SPMAP1: variants seen among roughly 807,000 people sequenced by gnomAD.
SPMAP1 encodes sperm microtubule associated protein 1, also known as uncharacterized protein C17orf98.
At chr17:38,840,054 C>G in the SPMAP1 span, among the ~76,000 whole-genome samples, 1 of 152,122 alleles carries the variant, frequency 6.6e-6, no homozygotes, top group African/African-American at 2.4e-5. Flanking sequence ...GTCTCGGAAT[C>G]TTTGATCTGG....
At chr17:38,837,268 A>AGAACACT in the SPMAP1 span, 3 of 1,490,828 alleles carry the variant, frequency 2.0e-6, no homozygotes, top group East Asian at 6.8e-5. Flanking sequence ...AAAGTGGGCA[A>AGAACACT]GAACACTGTC....
the SPMAP1 span, chr17:38,835,265 C>G: frequency 6.2e-7 from 1 of 1,614,146 alleles, no homozygotes; most frequent in African/African-American, 1.3e-5. Context: ...CCTGCGGTAG[C>G]CAAACCTTCC....
the SPMAP1 span, among the ~76,000 whole-genome samples, chr17:38,840,232 G>T: frequency 6.6e-6 from 1 of 152,154 alleles, no homozygotes; most frequent in Non-Finnish European, 1.5e-5. Context: ...CAGGAGGAAG[G>T]CGTCTCGCCC....
chr17:38,835,340 G>C, the SPMAP1 span: 1 of 1,614,168 alleles, frequency 6.2e-7, no homozygotes, highest in Non-Finnish European at 8.5e-7. Context: ...CTGCTGGAGA[G>C]AATGCCCTTG....
chr17:38,835,248 G>C, the SPMAP1 span: 2 of 1,614,130 alleles, frequency 1.2e-6, no homozygotes, highest in Admixed American at 1.7e-5. Context: ...CGGAGGGCTG[G>C]AGTGTTCCTG....
At chr17:38,837,879 AG>A in the SPMAP1 span, among the ~76,000 whole-genome samples, 1 of 151,954 alleles carries the variant, frequency 6.6e-6, no homozygotes, top group Non-Finnish European at 1.5e-5. Flanking sequence ...CATCGGTAAA[AG>A]GAGTATTGCT....
chr17:38,837,060 G>A, the SPMAP1 span: 1 of 919,938 alleles, frequency 1.1e-6, no homozygotes, highest in Non-Finnish European at 1.8e-6. Context: ...GAAGGATGCA[G>A]TCCCTTTGCC....
the SPMAP1 span, among the ~76,000 whole-genome samples, chr17:38,839,701 G>A: frequency 6.6e-6 from 1 of 151,860 alleles, no homozygotes; most frequent in Admixed American, 6.6e-5. Flanking sequence ...TTGGGAGGCT[G>A]AAGCAGGAGA....
the SPMAP1 span, among the ~76,000 whole-genome samples, chr17:38,840,451 G>T: frequency 6.6e-6 from 1 of 151,856 alleles, no homozygotes; most frequent in Non-Finnish European, 1.5e-5. Flanking sequence ...CAAATTCAGG[G>T]CTGGAAGGCC....
the SPMAP1 span, chr17:38,837,005 G>T: frequency 1.4e-6 from 1 of 690,380 alleles, no homozygotes; most frequent in East Asian, 2.5e-5. Context: ...ACTAATATTA[G>T]GGGGCACTGT....
chr17:38,838,822 C>T, the SPMAP1 span, among the ~76,000 whole-genome samples: 3 of 150,430 alleles, frequency 2.0e-5, no homozygotes, highest in Non-Finnish European at 3.0e-5. Context: ...CGGTGGCCCA[C>T]GCCTGTAATC....
the SPMAP1 span, among the ~76,000 whole-genome samples, chr17:38,840,055 T>C: frequency 6.6e-6 from 1 of 152,088 alleles, no homozygotes; most frequent in South Asian, 2.1e-4. Flanking sequence ...TCTCGGAATC[T>C]TTGATCTGGG....
At chr17:38,837,295 G>C in the SPMAP1 span, 1 of 1,218,748 alleles carries the variant, frequency 8.2e-7, no homozygotes, top group Non-Finnish European at 1.2e-6. Flanking sequence ...AATGCTGAGG[G>C]GGACACAGTG....
the SPMAP1 span, among the ~76,000 whole-genome samples, chr17:38,840,961 C>A: frequency 6.6e-6 from 1 of 151,874 alleles, no homozygotes; most frequent in African/African-American, 2.4e-5. Context: ...TCGCTTGAAC[C>A]CGGGAGGCGG....
the SPMAP1 span, chr17:38,835,320 G>A: frequency 8.7e-6 from 14 of 1,614,062 alleles, no homozygotes; most frequent in Non-Finnish European, 1.2e-5. Context: ...TAGTGGTCAT[G>A]CCCAGTCACC....
the SPMAP1 span, among the ~76,000 whole-genome samples, chr17:38,836,292 G>A: frequency 6.6e-6 from 1 of 152,004 alleles, no homozygotes; most frequent in Non-Finnish European, 1.5e-5. Flanking sequence ...TCCTACCTGT[G>A]CCATGGGGTT....
the SPMAP1 span, chr17:38,835,303 A>C: frequency 6.2e-7 from 1 of 1,614,190 alleles, no homozygotes; most frequent in Non-Finnish European, 8.5e-7. Flanking sequence ...GTTTCAGATC[A>C]GCATTGTAGT....
At chr17:38,838,651 C>T in the SPMAP1 span, among the ~76,000 whole-genome samples, 5 of 151,694 alleles carry the variant, frequency 3.3e-5, no homozygotes, top group South Asian at 2.1e-4. Flanking sequence ...TGGTGGCACA[C>T]GCCTATAGTC....
At chr17:38,835,391 C>A in the SPMAP1 span, 1 of 1,604,392 alleles carries the variant, frequency 6.2e-7, no homozygotes, top group Non-Finnish European at 8.5e-7. Flanking sequence ...TTCAGCCCAC[C>A]TCTTGGCTTC....
Sources: gnomAD v4.1 joint callset for allele counts (sites outside exome capture counted in the v4.1 genomes callset) on GRCh38, gnomAD v4.1.1 for gene constraint, MANE v1.5 for transcripts, NCBI Gene and HGNC (gene_info 2026-07-23, HGNC 2026-07-21) for gene names.